Variants in AKAP13 observed in about 807,000 individuals in gnomAD.
AKAP13 encodes A-kinase anchor protein 13.
In AKAP13, 80 loss-of-function variants were observed where a neutral mutation model predicts 264.5. That is an observed-to-expected ratio of 0.30 (90% CI 0.25 to 0.36). The LOEUF (loss-of-function observed/expected upper bound fraction) is 0.36, where lower values mean the gene tolerates loss of function less well. Among genes scored for constraint, AKAP13 ranks in the 10% least tolerant of loss-of-function variants. The pLI, the probability that AKAP13 is intolerant of heterozygous loss-of-function variation, is 1.00. For missense variants in AKAP13, 3,712 were observed against 3,435.2 expected (o/e 1.08, Z -2.01); for synonymous variants, 1,380 against 1,250.2 (o/e 1.10, Z -2.19).
chr15:85,648,744 T>G (rs1294261042), intron 10 of AKAP13, among the ~76,000 whole-genome samples: 2 of 151,910 alleles, frequency 1.3e-5, no homozygotes, highest in East Asian at 3.9e-4. Flanking sequence ...GAGGCTGAGG[T>G]GGGAAGATCA....
intron 2 of AKAP13, among the ~76,000 whole-genome samples, chr15:85,495,708 A>C (rs1166456961): frequency 6.6e-6 from 1 of 152,216 alleles, no homozygotes; most frequent in Non-Finnish European, 1.5e-5. Flanking sequence ...CACACTTATT[A>C]GATTTTCAAG....
Position 85,743,618 on chromosome 15 carries a change from C to T in AKAP13, c.8185C>T (p.Pro2729Ser). Reference sequence around the variant, plus strand: ...ATTGGACTCAGAACTTTCAGTGTCCCCAAAAAGGAACAGCATCTCTCGGAC... The same window carrying T: ...ATTGGACTCAGAACTTTCAGTGTCCTCAAAAAGGAACAGCATCTCTCGGAC... ...GSLDSELSVS[P>S]KRNSISRTHK... Residue 2729 changes from proline (P) to serine (S), a missense_variant, in exon 36 of 37, where the codon CCA becomes TCA. By Grantham distance (74) the Pro-to-Ser change is moderately conservative. Around this residue, in one of 3 missense-constraint regions of AKAP13, gnomAD observed 611 missense variants for 539.3 expected, o/e 1.13. Transcript: ENST00000394518. 1.9e-6 allele frequency: 3 copies of T among 1,614,082 alleles called. No homozygotes were observed. The highest frequency in any genetic ancestry group is 2.5e-6 in the Non-Finnish European group (3 of 1,180,014).
At chr15:85,512,855 AT>A (rs1789898757) in intron 2 of AKAP13, among the ~76,000 whole-genome samples, 1 of 104,144 alleles carries the variant, frequency 9.6e-6, no homozygotes, top group Non-Finnish European at 2.6e-5. Context: ...GTATGTATGT[AT>A]GTATGTATGT....
rs530428101 is a variant in AKAP13, at chr15:85,461,481, T to C, written c.-11-24229T>C. Among the ~76,000 whole-genome samples, 4 of 152,296 alleles carry C rather than the reference T, an allele frequency of 2.6e-5. No individual in the cohort carries two copies. In the South Asian group the frequency reaches 8.3e-4, roughly 32 times the overall value. The stretch of plus-strand genomic sequence containing the variant: ...CTAACACAGTGTTAACCCTGAAAAG[T>C]TTGAATGTGTGAATTAACTAATATA... On this transcript the variant is annotated intron_variant, in intron 1 of 36. Coordinates refer to ENST00000394518, the MANE Select transcript of AKAP13 (RefSeq NM_007200.5).
chr15:85,643,809 G>A (rs1160070525), intron 9 of AKAP13, among the ~76,000 whole-genome samples: 1 of 152,094 alleles, frequency 6.6e-6, no homozygotes, highest in African/African-American at 2.4e-5. Context: ...CAAGCTCCTC[G>A]GCAAGCTGTA....
In AKAP13 at chr15:85,684,680, T is replaced by C. The variant is rs1482814025; in HGVS notation, c.5157-61T>C. 3.3e-6 allele frequency: 5 copies of C among 1,534,368 alleles called. No homozygotes were observed. The African/African-American group carries it at 4.1e-5, about 13-fold the overall frequency. ...AGCCTTCATCTACCTTTTATTCTGC[T>C]TCACTTTTATTTAACTTCTGTAGCC... On this transcript the variant is annotated intron_variant, in intron 15 of 36. Transcript: ENST00000394518.
rs780206036 is a variant in AKAP13 at position 85,585,767 on chromosome 15, G to T, written c.4105G>T (p.Ala1369Ser). 1 of 1,614,166 alleles carries T rather than the reference G, an allele frequency of 6.2e-7. No individual in the cohort carries two copies. The highest frequency in any genetic ancestry group is 8.5e-7 in the Non-Finnish European group (1 of 1,179,994). The part of the protein sequence containing the change: ...FRASSISEEV[A>S]VGSIAATLKM... Reference sequence around the variant, plus strand: ...AGCAAGTTCAATTTCTGAAGAAGTGGCTGTAGGGAGCATAGCTGCTACACT... The same window carrying T: ...AGCAAGTTCAATTTCTGAAGAAGTGTCTGTAGGGAGCATAGCTGCTACACT... The change falls in exon 8 of 37, where the codon GCT (alanine) becomes TCT (serine). Residue 1369 changes from alanine (A) to serine (S), a missense_variant. Ala to Ser is a moderately conservative substitution (Grantham distance 99). Transcript: ENST00000394518.
chr15:85,504,130 G>A (rs2076116815), intron 2 of AKAP13, among the ~76,000 whole-genome samples: 2 of 152,056 alleles, frequency 1.3e-5, no homozygotes, highest in South Asian at 4.1e-4. Context: ...AGAGAACTGA[G>A]GATAATAAAT....
chr15:85,467,737 G>A (rs1187450264), intron 1 of AKAP13, among the ~76,000 whole-genome samples: 3 of 152,158 alleles, frequency 2.0e-5, no homozygotes, highest in Non-Finnish European at 2.9e-5. Context: ...AGTAATAACT[G>A]CTTACTGAAT....
intron 1 of AKAP13, among the ~76,000 whole-genome samples, chr15:85,485,077 A>G (rs1046617761): frequency 1.2e-4 from 19 of 152,210 alleles, no homozygotes; most frequent in African/African-American, 4.6e-4. Flanking sequence ...ACTTTTAAGA[A>G]CATGCTATTC....
intron 14 of AKAP13, among the ~76,000 whole-genome samples, chr15:85,677,587 A>G (rs1028758244): frequency 2.0e-5 from 3 of 150,648 alleles, no homozygotes; most frequent in African/African-American, 7.3e-5. Context: ...CCTTTCCTTT[A>G]AGATTAGACC....
chr15:85,635,104 A>G (rs1438962876), intron 8 of AKAP13: 3 of 398,106 alleles, frequency 7.5e-6, no homozygotes, highest in Admixed American at 8.8e-5. Context: ...GCTATGTTGT[A>G]TGTAAGTATA....
intron 14 of AKAP13, among the ~76,000 whole-genome samples, chr15:85,672,109 C>T (rs956806196): frequency 3.9e-5 from 6 of 152,184 alleles, no homozygotes; most frequent in Admixed American, 3.9e-4. Context: ...CTGCTCAACT[C>T]ACCTAGGGAA....
chr15:85,700,143 G>C (rs1465080598), intron 17 of AKAP13, among the ~76,000 whole-genome samples: 2 of 152,106 alleles, frequency 1.3e-5, no homozygotes, highest in East Asian at 3.8e-4. Flanking sequence ...GTTGAAATTT[G>C]CCCTCTTTGG....
chr15:85,470,370 G>A (rs7168345), intron 1 of AKAP13, among the ~76,000 whole-genome samples: 81,727 of 152,006 alleles, frequency 0.54, 22,638 homozygotes, highest in Admixed American at 0.64. Context: ...AGAACTGCCA[G>A]TGCCTTTTTA....
At chr15:85,550,705 A>G (rs2077930902) in intron 5 of AKAP13, among the ~76,000 whole-genome samples, 1 of 152,210 alleles carries the variant, frequency 6.6e-6, no homozygotes, top group South Asian at 2.1e-4. Context: ...AAATGTACAG[A>G]CATACCTTAA....
rs185578243 is a variant in AKAP13 at position 85,384,664 on chromosome 15, C to T, written c.-12+3866C>T. 4.6e-4 allele frequency among the ~76,000 whole-genome samples: 70 copies of T among 151,192 alleles called. 1 individual carries two copies. The highest frequency in any genetic ancestry group is 1.3e-3 in the African/African-American group (55 of 41,152). ...CCCGGGAGGTGGAGGTTGCAATGAG[C>T]CGAGATCATGCCACTGTGCTCCAGT... On this transcript the variant is annotated intron_variant, in intron 1 of 36. Coordinates refer to ENST00000394518, the MANE Select transcript of AKAP13 (RefSeq NM_007200.5).
intron 1 of AKAP13, among the ~76,000 whole-genome samples, chr15:85,433,986 T>C (rs922561018): frequency 9.3e-5 from 14 of 151,090 alleles, no homozygotes; most frequent in African/African-American, 3.2e-4. Flanking sequence ...GATGGCCGAA[T>C]AGGAACAGCT....
At chr15:85,427,947 A>G (rs1188648590) in intron 1 of AKAP13, among the ~76,000 whole-genome samples, 1 of 152,166 alleles carries the variant, frequency 6.6e-6, no homozygotes, top group Non-Finnish European at 1.5e-5. Flanking sequence ...GTCCTGGATC[A>G]CCAGTTTTCA....
Sources: gnomAD v4.1 joint callset for allele counts (sites outside exome capture counted in the v4.1 genomes callset) on GRCh38, gnomAD v4.1.1 for gene constraint, gnomAD v4.1.1 regional missense constraint, MANE v1.5 for transcripts, NCBI Gene and HGNC (gene_info 2026-07-23, HGNC 2026-07-21) for gene names.